FTO: variants seen among roughly 807,000 people sequenced by gnomAD.
The protein encoded by FTO is FTO alpha-ketoglutarate dependent dioxygenase, also known as alpha-ketoglutarate-dependent dioxygenase FTO.
In FTO, 47 loss-of-function variants were observed where a neutral mutation model predicts 63.9. The observed-to-expected ratio is 0.74, with a 90% confidence interval of 0.58 to 0.94. The LOEUF (loss-of-function observed/expected upper bound fraction) is 0.94. FTO is among the 40% of genes least tolerant of loss of function. The pLI, the probability that FTO is intolerant of heterozygous loss-of-function variation, is 0.00. For synonymous variants in FTO, 207 were observed against 224.4 expected (o/e 0.92, Z 0.69); for missense variants, 562 against 618.1 (o/e 0.91, Z 0.96).
At chr16:53,921,966 A>G (rs1324674287) in intron 7 of FTO, among the ~76,000 whole-genome samples, 4 of 152,220 alleles carry the variant, frequency 2.6e-5, no homozygotes, top group Non-Finnish European at 5.9e-5. Context: ...TAGCATGCTA[A>G]GTACTTCCAT....
intron 8 of FTO, among the ~76,000 whole-genome samples, chr16:54,083,295 T>C (rs2086189159): frequency 6.6e-6 from 1 of 152,186 alleles, no homozygotes; most frequent in African/African-American, 2.4e-5. Context: ...TTTATTATAG[T>C]GTCCTGGTTG....
intron 1 of FTO, among the ~76,000 whole-genome samples, chr16:53,708,080 C>T (rs543136736): frequency 5.3e-5 from 8 of 151,548 alleles, no homozygotes; most frequent in African/African-American, 1.9e-4. Context: ...AGTGTCAGGC[C>T]GAGCATGGTG....
intron 4 of FTO, among the ~76,000 whole-genome samples, chr16:53,846,377 T>C (rs895360551): frequency 6.6e-6 from 1 of 152,228 alleles, no homozygotes; most frequent in East Asian, 1.9e-4. Flanking sequence ...TGAGTCTTAA[T>C]AGATGTTAGT....
chr16:53,891,326 A>T (rs1048550546), intron 7 of FTO, among the ~76,000 whole-genome samples: 5 of 149,252 alleles, frequency 3.4e-5, no homozygotes, highest in Admixed American at 6.8e-5. Flanking sequence ...AATTAAAAAA[A>T]AATTGTTTTT....
At chr16:53,917,069 AC>A (rs1180838308) in intron 7 of FTO, among the ~76,000 whole-genome samples, 2 of 152,044 alleles carry the variant, frequency 1.3e-5, no homozygotes, top group Non-Finnish European at 1.5e-5. Context: ...TGTCAGTGAA[AC>A]CATGGTCAAG....
At chr16:54,026,360 G>GCCTC (rs1315525998) in intron 8 of FTO, among the ~76,000 whole-genome samples, 2 of 152,186 alleles carry the variant, frequency 1.3e-5, no homozygotes, top group Non-Finnish European at 2.9e-5. Context: ...AGGAAGAAAG[G>GCCTC]GAGGGAAGGG....
At chr16:54,027,782 A>C (rs2084747736) in intron 8 of FTO, among the ~76,000 whole-genome samples, 2 of 152,180 alleles carry the variant, frequency 1.3e-5, no homozygotes. Context: ...TGTCTCTTAC[A>C]TACTCCTTGC....
intron 1 of FTO, among the ~76,000 whole-genome samples, chr16:53,726,545 T>C (rs1197488401): frequency 6.6e-6 from 1 of 152,210 alleles, no homozygotes; most frequent in East Asian, 1.9e-4. Context: ...TGCTTAACGG[T>C]ATACTTTGCA....
intron 1 of FTO, among the ~76,000 whole-genome samples, chr16:53,770,384 A>T (rs1598616034): frequency 6.6e-6 from 1 of 152,220 alleles, no homozygotes; most frequent in East Asian, 1.9e-4. Flanking sequence ...TGAGTTTCTC[A>T]AGGCCAAATA....
chr16:53,765,472 T>C (rs2151616727), intron 1 of FTO, among the ~76,000 whole-genome samples: 1 of 151,732 alleles, frequency 6.6e-6, no homozygotes, highest in East Asian at 1.9e-4. Flanking sequence ...GGAGAATCGC[T>C]TGATCCTGGG....
chr16:53,866,086 C>T (rs773399270), intron 4 of FTO, among the ~76,000 whole-genome samples: 5 of 152,094 alleles, frequency 3.3e-5, no homozygotes, highest in African/African-American at 1.2e-4. Context: ...TTCTAGTTTA[C>T]TGAGAATTTT....
At chr16:53,871,725 CTT>C (rs926713796) in intron 4 of FTO, among the ~76,000 whole-genome samples, 1 of 145,240 alleles carries the variant, frequency 6.9e-6, no homozygotes, top group Admixed American at 6.9e-5. Context: ...AAGTTGGATC[CTT>C]TTTTTTTTTA....
chr16:53,839,874 G>A (rs760424276), intron 3 of FTO, among the ~76,000 whole-genome samples: 1 of 150,844 alleles, frequency 6.6e-6, no homozygotes, highest in Admixed American at 6.6e-5. Flanking sequence ...GCGCGATCTC[G>A]GCTCACTGCA....
chr16:53,831,456 A>AGG (rs34853502), intron 3 of FTO, among the ~76,000 whole-genome samples: 64 of 151,818 alleles, frequency 4.2e-4, no homozygotes, highest in Admixed American at 7.2e-4. Context: ...AGAAGACCAA[A>AGG]GGGGGGGAAA....
chr16:53,848,120 T>G (rs1044273427), intron 4 of FTO, among the ~76,000 whole-genome samples: 13 of 152,220 alleles, frequency 8.5e-5, no homozygotes, highest in African/African-American at 3.1e-4. Context: ...TGAATCTTCC[T>G]TCATCTCTTT....
chr16:53,989,572 G>A (rs1433863445), intron 8 of FTO, among the ~76,000 whole-genome samples: 2 of 152,094 alleles, frequency 1.3e-5, no homozygotes, highest in African/African-American at 2.4e-5. Context: ...GATGGTCCTG[G>A]GTGGCAATCT....
intron 2 of FTO, among the ~76,000 whole-genome samples, chr16:53,825,206 G>A (rs1226025750): frequency 5.9e-5 from 9 of 152,130 alleles, no homozygotes; most frequent in Non-Finnish European, 1.3e-4. Flanking sequence ...CTCCTGAAGA[G>A]AAGTGAGTTC....
intron 8 of FTO, among the ~76,000 whole-genome samples, chr16:54,041,263 GGA>G (rs1202074543): frequency 1.3e-5 from 2 of 152,094 alleles, no homozygotes; most frequent in Non-Finnish European, 2.9e-5. Flanking sequence ...CAAGACGGCA[GGA>G]GAGGGAGCAC....
chr16:53,813,355 G>C (rs1249366882), intron 2 of FTO, among the ~76,000 whole-genome samples: 1 of 151,984 alleles, frequency 6.6e-6, no homozygotes, highest in Admixed American at 6.6e-5. Flanking sequence ...GGGATTACAG[G>C]CACCTGCCAC....
Sources: gnomAD v4.1 joint callset for allele counts (sites outside exome capture counted in the v4.1 genomes callset) on GRCh38, gnomAD v4.1.1 for gene constraint, MANE v1.5 for transcripts, NCBI Gene and HGNC (gene_info 2026-07-23, HGNC 2026-07-21) for gene names.